The following PTPRE variants were observed in gnomAD, a reference collection of about 807,000 sequenced individuals.
PTPRE encodes the protein protein tyrosine phosphatase receptor type E.
Under a neutral mutation model 102.0 loss-of-function variants are expected in PTPRE, and 51 were observed. That is an observed-to-expected ratio of 0.50 (90% confidence interval 0.40 to 0.63). The LOEUF (loss-of-function observed/expected upper bound fraction) is 0.63. Ranked by LOEUF, PTPRE falls within the 30% of genes least tolerant of loss-of-function variation. The pLI is 0.00. For missense variants in PTPRE, 752 were observed against 915.1 expected, an observed-to-expected ratio of 0.82 and a Z score of 2.30; for synonymous variants, 345 against 348.2, an observed-to-expected ratio of 0.99 and a Z score of 0.10.
At chr10:128,048,849 T>C (rs1281528604) in intron 5 of PTPRE, among the ~76,000 whole-genome samples, 1 of 152,086 alleles carries the variant, frequency 6.6e-6, no homozygotes, top group East Asian at 1.9e-4. Context: ...CTTTTGCAAG[T>C]GTGACAGCTG....
intron 1 of PTPRE, among the ~76,000 whole-genome samples, chr10:127,959,902 C>T (rs920696969): frequency 6.6e-6 from 1 of 152,138 alleles, no homozygotes; most frequent in African/African-American, 2.4e-5. Flanking sequence ...GGAGCTCTTA[C>T]CTTTATTATT....
rs532263587 is a variant in PTPRE at position 128,055,662 on chromosome 10, G to A, written c.421-461G>A. Among the ~76,000 whole-genome samples the A allele has an allele frequency of 6.6e-5, 10 of 152,206 alleles. No individual in the cohort carries two copies. In the South Asian group the frequency reaches 1.2e-3, roughly 19 times the overall value. ...TTCCCGCCCCTTGCCTCCCAGGACC[G>A]CTCTATTCATCCTTCAGCCCCAAAG... On this transcript the variant is annotated intron_variant, in intron 6 of 20. Coordinates refer to ENST00000254667, the MANE Select transcript of PTPRE (RefSeq NM_006504.6).
In PTPRE at chr10:127,907,653, G is replaced by A. The variant is rs964489506; in HGVS notation, c.-31+344G>A. Among the ~76,000 whole-genome samples, 20 of 152,142 alleles carry A rather than the reference G, an allele frequency of 1.3e-4. No homozygotes were observed. The highest frequency in any genetic ancestry group is 7.9e-4 in the Admixed American group (12 of 15,286). On this transcript the variant is annotated intron_variant, in intron 1 of 20. Coordinates refer to ENST00000254667, the MANE Select transcript of PTPRE (RefSeq NM_006504.6). This position sits in a 1 kb window ranked among gnomAD's most constrained non-coding sequence, Gnocchi z 4.8. ...GTGCGCGGGGGCCGGCGGCAGGGCG[G>A]CGTACGTGAAAGCGGGCGACACAGA...
At chr10:128,045,252 C>T (rs1259435582) in intron 3 of PTPRE, among the ~76,000 whole-genome samples, 1 of 152,248 alleles carries the variant, frequency 6.6e-6, no homozygotes, top group Non-Finnish European at 1.5e-5. Context: ...TCAGCCCCGT[C>T]TTCTATGGAA....
chr10:128,023,373 A>T (rs1213574935), intron 2 of PTPRE, among the ~76,000 whole-genome samples: 1 of 152,188 alleles, frequency 6.6e-6, no homozygotes, highest in Non-Finnish European at 1.5e-5. Flanking sequence ...TAGTACGTAT[A>T]GGAAAAAGCA....
chr10:127,947,038 CTA>C (rs1378580946), intron 1 of PTPRE, among the ~76,000 whole-genome samples: 1 of 140,464 alleles, frequency 7.1e-6, no homozygotes, highest in Non-Finnish European at 1.5e-5. Context: ...AAAAAAAAAG[CTA>C]TATGTTTTTA....
intron 10 of PTPRE, among the ~76,000 whole-genome samples, chr10:128,064,888 A>T (rs1335525905): frequency 4.6e-5 from 7 of 152,082 alleles, no homozygotes; most frequent in African/African-American, 1.7e-4. Context: ...GCATCTCATG[A>T]TCGGGTGGGA....
rs1380295001 is a variant in PTPRE at position 127,907,781 on chromosome 10, G to T, written c.-31+472G>T. Among the ~76,000 whole-genome samples the T allele has an allele frequency of 6.6e-6, 1 of 152,298 alleles. No homozygotes were observed. The highest frequency in any genetic ancestry group is 2.4e-5 in the African/African-American group (1 of 41,578). ...GTTGTGCCAACTCTGGGAGGGGCCG[G>T]CGCTCTGCCAGGATGCTGCCCCGCA... On this transcript the variant is annotated intron_variant, in intron 1 of 20. Coordinates refer to ENST00000254667, the MANE Select transcript of PTPRE (RefSeq NM_006504.6). The surrounding 1 kb of genome is among the most constrained non-coding windows in gnomAD (Gnocchi z 4.8).
intron 3 of PTPRE, among the ~76,000 whole-genome samples, chr10:128,043,974 A>AT (rs937535390): frequency 3.3e-5 from 5 of 151,868 alleles, no homozygotes; most frequent in African/African-American, 7.3e-5. Context: ...AATCAGTATC[A>AT]TTTTTTTTCT....
rs529195737 is a variant in PTPRE, at chr10:128,029,054, T to C, written c.-7-11821T>C. On this transcript the variant is annotated intron_variant, in intron 2 of 20. Coordinates refer to ENST00000254667, the MANE Select transcript of PTPRE (RefSeq NM_006504.6). ...CTTATGGGGGCATCCTCCCTCTTGA[T>C]TGCGACTCCTCGGAGGCAGATAAGA... Among the ~76,000 whole-genome samples, 12 of 152,324 alleles carry C rather than the reference T, an allele frequency of 7.9e-5. 1 individual carries two copies. The East Asian group carries it at 1.9e-3, about 25-fold the overall frequency.
At position 127,984,649 on chromosome 10, in the gene PTPRE, T is replaced by A. The variant is rs1438996129; in HGVS notation, c.-8+2353T>A. Reference sequence around the variant, plus strand: ...CCACGTGTTGTGGGAGATAATTGAATCATGGGGGCGGTTCCCCCATACTGT... The same window carrying A: ...CCACGTGTTGTGGGAGATAATTGAAACATGGGGGCGGTTCCCCCATACTGT... On this transcript the variant is annotated intron_variant, in intron 2 of 20. Coordinates refer to ENST00000254667, the MANE Select transcript of PTPRE (RefSeq NM_006504.6). Among the ~76,000 whole-genome samples, 4 of 152,322 alleles carry A rather than the reference T, an allele frequency of 2.6e-5. No homozygotes were observed. In the East Asian group the frequency reaches 7.7e-4, roughly 29 times the overall value.
chr10:127,907,219 C>A lies in PTPRE; in HGVS notation c.-121C>A, dbSNP rs1845532357. 3 of 981,308 alleles carry A rather than the reference C, an allele frequency of 3.1e-6. No homozygotes were observed. The allele number at this position is 981,308 out of a possible 1,614,324, so 60.8% of individuals were successfully genotyped here. A position where few individuals can be genotyped will look rare whatever the true frequency, so the allele number is the denominator to read the frequency against. ...CCTTCTTCGCGCCCGGCGAAGACAG[C>A]CGGGCGCCCCGGAGGGCGGCGGGCA... On this transcript the variant is annotated 5_prime_UTR_variant, in exon 1 of 21. Coordinates refer to ENST00000254667, the MANE Select transcript of PTPRE (RefSeq NM_006504.6). This position sits in a 1 kb window ranked among gnomAD's most constrained non-coding sequence, Gnocchi z 4.8.
Position 127,932,993 on chromosome 10 carries a change from C to T in PTPRE, c.-31+25684C>T, listed in dbSNP as rs561111865. Among the ~76,000 whole-genome samples the T allele has an allele frequency of 2.6e-4, 40 of 152,282 alleles. 1 individual carries two copies. In the East Asian group the frequency reaches 5.0e-3, roughly 19 times the overall value. Reference sequence around the variant, plus strand: ...GGCTCCTTCCTCCATCTTTAAAGCCCGCCATGTGCTCCCAGTCTCTCTGAC... The same window carrying T: ...GGCTCCTTCCTCCATCTTTAAAGCCTGCCATGTGCTCCCAGTCTCTCTGAC... On this transcript the variant is annotated intron_variant, in intron 1 of 20. Coordinates refer to ENST00000254667, the MANE Select transcript of PTPRE (RefSeq NM_006504.6).
At chr10:128,081,721 C>A (rs1269367943) in intron 20 of PTPRE, among the ~76,000 whole-genome samples, 1 of 152,196 alleles carries the variant, frequency 6.6e-6, no homozygotes, top group African/African-American at 2.4e-5. Flanking sequence ...GTCTTAGTAG[C>A]CAGAAGTGAG....
At chr10:128,031,992 T>C (rs1425703607) in intron 2 of PTPRE, among the ~76,000 whole-genome samples, 1 of 152,082 alleles carries the variant, frequency 6.6e-6, no homozygotes, top group Non-Finnish European at 1.5e-5. Context: ...TGCTCCATAT[T>C]TTTCATCTTA....
chr10:128,034,834 G>GA (rs1206140435), intron 2 of PTPRE, among the ~76,000 whole-genome samples: 1 of 152,056 alleles, frequency 6.6e-6, no homozygotes, highest in African/African-American at 2.4e-5. Flanking sequence ...TAAGAACATT[G>GA]AAAAATATAT....
rs535676622 is a variant in PTPRE, at chr10:127,949,820, G to A, written c.-30-32454G>A. The stretch of plus-strand genomic sequence containing the variant: ...CGCGAAAGCTGAGTCTCAGCTTTGC[G>A]GAAATTTGGGATGGGGAAACGTGGG... On this transcript the variant is annotated intron_variant, in intron 1 of 20. Transcript: ENST00000254667. 2.0e-5 allele frequency among the ~76,000 whole-genome samples: 3 copies of A among 152,266 alleles called. No individual in the cohort carries two copies. The South Asian group carries it at 6.2e-4, about 32-fold the overall frequency.
At chr10:128,026,675 A>G (rs1157342106) in intron 2 of PTPRE, among the ~76,000 whole-genome samples, 2 of 152,210 alleles carry the variant, frequency 1.3e-5, no homozygotes, top group Non-Finnish European at 1.5e-5. Flanking sequence ...ACATTTAGAC[A>G]TAGGCAATTA....
intron 1 of PTPRE, among the ~76,000 whole-genome samples, chr10:127,956,545 G>A (rs138914297): frequency 6.6e-6 from 1 of 152,306 alleles, no homozygotes; most frequent in African/African-American, 2.4e-5. Context: ...TACATATGTG[G>A]GTTTTTGTGT....
Sources: gnomAD v4.1 joint callset for allele counts (sites outside exome capture counted in the v4.1 genomes callset) on GRCh38, gnomAD v4.1.1 for gene constraint, Gnocchi (gnomAD v3.1) non-coding constraint, MANE v1.5 for transcripts, NCBI Gene and HGNC (gene_info 2026-07-23, HGNC 2026-07-21) for gene names.